SEMA6D: variants seen among roughly 807,000 people sequenced by gnomAD.
SEMA6D encodes semaphorin 6D.
A neutral mutation model predicts 106.6 loss-of-function variants in SEMA6D; 35 were observed. The observed-to-expected ratio is 0.33, with a 90% CI of 0.25 to 0.44. The LOEUF is 0.44. Among genes scored for constraint, SEMA6D ranks in the 20% least tolerant of loss-of-function variants. SEMA6D has a pLI of 1.00. For synonymous variants in SEMA6D, 499 were observed against 487.7 expected (o/e 1.02, Z -0.31); for missense variants, 1,185 against 1,345.9 (o/e 0.88, Z 1.87).
At chr15:47,358,719 G>T (rs1208922646) in intron 1 of SEMA6D, among the ~76,000 whole-genome samples, 1 of 152,226 alleles carries the variant, frequency 6.6e-6, no homozygotes, top group Admixed American at 6.5e-5. Context: ...TGTGCATGGA[G>T]ATCTGGACAT....
chr15:47,383,638 TCATAAGG>T (rs11277603), intron 1 of SEMA6D, among the ~76,000 whole-genome samples: 33,303 of 152,054 alleles, frequency 0.22, 3,903 homozygotes, highest in Middle Eastern at 0.33. Flanking sequence ...CAGTTTTAAC[TCATAAGG>T]CATAAGGACC....
chr15:47,232,611 T>C lies in SEMA6D; in HGVS notation c.-239+48193T>C, dbSNP rs541521946. On this transcript the variant is annotated intron_variant, in intron 1 of 19. Coordinates refer to the SEMA6D transcript ENST00000558014. ...AAATGGTATTTCATTATGGCTTTAA[T>C]TGGCATTTCTCTAATGAATAGTAAT... 2.6e-5 allele frequency among the ~76,000 whole-genome samples: 4 copies of C among 151,924 alleles called. No homozygotes were observed. In the South Asian group the frequency reaches 6.2e-4, roughly 24 times the overall value.
chr15:47,453,930 G>A (rs1363915632), intron 2 of SEMA6D, among the ~76,000 whole-genome samples: 1 of 151,900 alleles, frequency 6.6e-6, no homozygotes, highest in African/African-American at 2.4e-5. Flanking sequence ...ATTTTCTATT[G>A]ATGCTCTTTT....
chr15:47,638,173 T>A (rs1308957973), intron 4 of SEMA6D, among the ~76,000 whole-genome samples: 4 of 152,188 alleles, frequency 2.6e-5, no homozygotes, highest in African/African-American at 7.2e-5. Context: ...CATAACAGTT[T>A]CTCTCTGGGA....
chr15:47,730,347 AG>A (rs2080036663), intron 1 of SEMA6D: 35 of 1,454,926 alleles, frequency 2.4e-5, no homozygotes, highest in Non-Finnish European at 3.0e-5. Context: ...ACAGTGGTGC[AG>A]GTCTTCCTGT....
chr15:47,568,338 G>A (rs1390889137), intron 3 of SEMA6D, among the ~76,000 whole-genome samples: 1 of 152,110 alleles, frequency 6.6e-6, no homozygotes. Flanking sequence ...CCACCCGAGT[G>A]TCCATTGGCA....
At chr15:47,325,399 C>CT (rs2037092452) in intron 1 of SEMA6D, among the ~76,000 whole-genome samples, 1 of 151,988 alleles carries the variant, frequency 6.6e-6, no homozygotes, top group African/African-American at 2.4e-5. Flanking sequence ...TCTCAAACTC[C>CT]TGACCTCAGG....
chr15:47,341,392 A>G (rs887968735), intron 1 of SEMA6D, among the ~76,000 whole-genome samples: 2 of 152,162 alleles, frequency 1.3e-5, no homozygotes, highest in Non-Finnish European at 2.9e-5. Flanking sequence ...TGTCTCAAAA[A>G]ACAAACAGAC....
chr15:47,683,631 T>A (rs2078407086), intron 4 of SEMA6D, among the ~76,000 whole-genome samples: 1 of 152,176 alleles, frequency 6.6e-6, no homozygotes, highest in Non-Finnish European at 1.5e-5. Context: ...AGAAAAAAAA[T>A]CAACCTTGCA....
intron 1 of SEMA6D, among the ~76,000 whole-genome samples, chr15:47,331,894 G>A (rs1292195011): frequency 2.0e-5 from 3 of 152,130 alleles, no homozygotes; most frequent in African/African-American, 7.2e-5. Flanking sequence ...TACAGTTCTC[G>A]TATTGCATCA....
chr15:47,416,840 C>G (rs923273318), intron 2 of SEMA6D, among the ~76,000 whole-genome samples: 2 of 152,104 alleles, frequency 1.3e-5, no homozygotes, highest in Non-Finnish European at 2.9e-5. Context: ...TAGTCACCCC[C>G]TATTACTTTG....
chr15:47,634,918 G>A (rs185850006), intron 4 of SEMA6D, among the ~76,000 whole-genome samples: 2 of 152,302 alleles, frequency 1.3e-5, no homozygotes, highest in African/African-American at 4.8e-5. Flanking sequence ...GAATGTGGAA[G>A]GTACTGCCAA....
At chr15:47,285,492 GAAGGAGAAAGTA>G (rs2035320454) in intron 1 of SEMA6D, among the ~76,000 whole-genome samples, 1 of 151,968 alleles carries the variant, frequency 6.6e-6, no homozygotes, top group South Asian at 2.1e-4. Flanking sequence ...AAAAAAAAGG[GAAGGAGAAAGTA>G]ATAAGTGACC....
At chr15:47,405,208 G>A (rs2040521728) in intron 1 of SEMA6D, among the ~76,000 whole-genome samples, 1 of 152,178 alleles carries the variant, frequency 6.6e-6, no homozygotes, top group Non-Finnish European at 1.5e-5. Context: ...CCTGAGTGGA[G>A]TGTGTTAGTA....
chr15:47,620,504 C>T (rs2077078983), intron 4 of SEMA6D, among the ~76,000 whole-genome samples: 1 of 152,156 alleles, frequency 6.6e-6, no homozygotes, highest in Non-Finnish European at 1.5e-5. Context: ...GATGAACATG[C>T]AGCCTCTGGT....
chr15:47,568,439 A>C (rs1435763), intron 3 of SEMA6D, among the ~76,000 whole-genome samples: 3 of 151,876 alleles, frequency 2.0e-5, no homozygotes, highest in Non-Finnish European at 4.4e-5. Flanking sequence ...GACAAGGTGA[A>C]TTTACAAGCA....
At chr15:47,198,465 A>C (rs932655017) in intron 1 of SEMA6D, among the ~76,000 whole-genome samples, 3 of 152,152 alleles carry the variant, frequency 2.0e-5, no homozygotes, top group African/African-American at 7.2e-5. Context: ...TAAAAAAATA[A>C]GATATGGATC....
At chr15:47,495,422 GTAGCAGGGGT>G (rs1158949708) in intron 3 of SEMA6D, among the ~76,000 whole-genome samples, 2 of 152,032 alleles carry the variant, frequency 1.3e-5, no homozygotes, top group African/African-American at 2.4e-5. Flanking sequence ...AGGTTGTGGA[GTAGCAGGGGT>G]TAGCTATTGC....
At chr15:47,633,687 G>T (rs2077330607) in intron 4 of SEMA6D, among the ~76,000 whole-genome samples, 1 of 152,120 alleles carries the variant, frequency 6.6e-6, no homozygotes, top group African/African-American at 2.4e-5. Context: ...TTTGGGAAAT[G>T]TTCTACTTCA....
Sources: allele counts gnomAD v4.1 joint callset (sites outside exome capture counted in the v4.1 genomes callset), GRCh38; gene constraint gnomAD v4.1.1; transcripts MANE v1.5; gene names NCBI Gene and HGNC (gene_info 2026-07-23, HGNC 2026-07-21).